SAMD12: variants seen among roughly 807,000 people sequenced by gnomAD.
SAMD12 encodes the protein sterile alpha motif domain containing 12.
A neutral mutation model predicts 15.0 loss-of-function variants in SAMD12; 9 were observed. The observed-to-expected ratio is 0.60, with a 90% confidence interval of 0.36 to 1.05. The LOEUF is 1.05. SAMD12 is among the 50% of genes least tolerant of loss of function. SAMD12 has a pLI of 0.01. For synonymous variants in SAMD12, 86 were observed against 90.1 expected (o/e 0.96, Z 0.25); for missense variants, 230 against 234.2 (o/e 0.98, Z 0.12).
the SAMD12 span, among the ~76,000 whole-genome samples, chr8:118,157,958 T>G: frequency 6.6e-6 from 1 of 152,188 alleles, no homozygotes. Context: ...GCTTACTGAT[T>G]GAAGACAGTT....
chr8:118,305,593 G>C (rs1815301191), intron 4 of SAMD12, among the ~76,000 whole-genome samples: 1 of 152,096 alleles, frequency 6.6e-6, no homozygotes, highest in Admixed American at 6.5e-5. Flanking sequence ...GTGAACATTG[G>C]TGTACCAGTA....
intron 4 of SAMD12, among the ~76,000 whole-genome samples, chr8:118,200,256 A>G (rs972655904): frequency 2.0e-5 from 3 of 151,992 alleles, no homozygotes; most frequent in Non-Finnish European, 2.9e-5. Flanking sequence ...AATACACCAG[A>G]CTTAGGTGTG....
At chr8:118,152,995 T>C in the SAMD12 span, among the ~76,000 whole-genome samples, 1 of 152,174 alleles carries the variant, frequency 6.6e-6, no homozygotes, top group Non-Finnish European at 1.5e-5. Context: ...GTACATTTGA[T>C]AAGCAGTGGG....
At chr8:118,293,911 A>ACT (rs1214141195) in intron 4 of SAMD12, among the ~76,000 whole-genome samples, 1 of 152,222 alleles carries the variant, frequency 6.6e-6, no homozygotes, top group Non-Finnish European at 1.5e-5. Flanking sequence ...ATCAGACAGA[A>ACT]GCCAGCTCTA....
chr8:118,147,693 G>A, the SAMD12 span, among the ~76,000 whole-genome samples: 4 of 151,918 alleles, frequency 2.6e-5, no homozygotes, highest in Non-Finnish European at 4.4e-5. Flanking sequence ...AAAGGTTAAA[G>A]AACATGTCTA....
intron 2 of SAMD12, among the ~76,000 whole-genome samples, chr8:118,485,898 T>A (rs758719985): frequency 3.3e-5 from 5 of 152,192 alleles, no homozygotes; most frequent in Non-Finnish European, 7.3e-5. Context: ...AATTGAACAA[T>A]GTTGTATCAG....
At position 118,478,612 on chromosome 8, in the gene SAMD12, C is replaced by T. The variant is rs540467129; in HGVS notation, c.193-38651G>A. On this transcript the variant is annotated intron_variant, in intron 2 of 3. Transcript: ENST00000314727. ...GCGAGGCACAAATAAGTTAACTTAG[C>T]AAACATCATACAGCTTGCAAATGGC... Among the ~76,000 whole-genome samples the T allele has an allele frequency of 6.8e-4, 103 of 152,308 alleles. 1 individual carries two copies. Among genetic ancestry groups the T allele is most frequent in the African/African-American group, 2.4e-3 (100 of 41,558 alleles).
intron 3 of SAMD12, among the ~76,000 whole-genome samples, chr8:118,435,583 CTGA>C (rs1340204767): frequency 2.6e-5 from 4 of 152,246 alleles, no homozygotes; most frequent in African/African-American, 9.6e-5. Flanking sequence ...ATTTTGAACA[CTGA>C]TAAGTTAAAA....
At chr8:118,293,510 A>G (rs1189325478) in intron 4 of SAMD12, among the ~76,000 whole-genome samples, 1 of 152,234 alleles carries the variant, frequency 6.6e-6, no homozygotes, top group Non-Finnish European at 1.5e-5. Context: ...ACAGAAGTCA[A>G]TTTATATTTG....
intron 4 of SAMD12, among the ~76,000 whole-genome samples, chr8:118,321,876 A>T (rs1358674570): frequency 1.3e-5 from 2 of 152,156 alleles, no homozygotes; most frequent in African/African-American, 4.8e-5. Context: ...GTAAGGTTTA[A>T]ATATAAATAC....
chr8:118,604,588 G>C (rs1181579570), intron 1 of SAMD12, among the ~76,000 whole-genome samples: 1 of 152,162 alleles, frequency 6.6e-6, no homozygotes, highest in Non-Finnish European at 1.5e-5. Context: ...GAAAACGATG[G>C]TTGGAAAACC....
intron 4 of SAMD12, among the ~76,000 whole-genome samples, chr8:118,258,855 G>C (rs778423890): frequency 2.6e-4 from 40 of 152,064 alleles, no homozygotes; most frequent in Admixed American, 2.5e-3. Flanking sequence ...AAGAGGAAAG[G>C]AGTTGAGAAT....
At chr8:118,321,889 T>C (rs1250241542) in intron 4 of SAMD12, among the ~76,000 whole-genome samples, 1 of 152,198 alleles carries the variant, frequency 6.6e-6, no homozygotes, top group Non-Finnish European at 1.5e-5. Context: ...ATAAATACTT[T>C]AGTTGTTATT....
the SAMD12 span, among the ~76,000 whole-genome samples, chr8:118,137,198 C>T: frequency 6.6e-6 from 1 of 152,242 alleles, no homozygotes; most frequent in African/African-American, 2.4e-5. Flanking sequence ...GAAGTAGTGG[C>T]CGGCAATCAG....
intron 3 of SAMD12, among the ~76,000 whole-genome samples, chr8:118,393,389 C>A (rs375256549): frequency 6.7e-6 from 1 of 148,562 alleles, no homozygotes; most frequent in East Asian, 2.0e-4. Flanking sequence ...TGTGTATATA[C>A]ATATATATAT....
intron 4 of SAMD12, among the ~76,000 whole-genome samples, chr8:118,243,266 T>C (rs1812613500): frequency 6.6e-6 from 1 of 152,224 alleles, no homozygotes; most frequent in South Asian, 2.1e-4. Flanking sequence ...ATATTAAAAA[T>C]ATATCAAATG....
At chr8:118,479,096 A>G (rs1458890840) in intron 2 of SAMD12, among the ~76,000 whole-genome samples, 1 of 144,750 alleles carries the variant, frequency 6.9e-6, no homozygotes, top group Non-Finnish European at 1.5e-5. Flanking sequence ...AAGTCCTTAC[A>G]GCAAACTACA....
At chr8:118,537,628 T>A (rs990961495) in intron 2 of SAMD12, among the ~76,000 whole-genome samples, 6 of 152,194 alleles carry the variant, frequency 3.9e-5, no homozygotes, top group Non-Finnish European at 7.3e-5. Context: ...CTTGATTTTT[T>A]AAAAATTATT....
chr8:118,484,174 G>A (rs1189025830), intron 2 of SAMD12, among the ~76,000 whole-genome samples: 1 of 152,006 alleles, frequency 6.6e-6, no homozygotes, highest in Non-Finnish European at 1.5e-5. Context: ...TGGACGAGGT[G>A]GTCATGTGCA....
Sources: gnomAD v4.1 joint callset for allele counts (sites outside exome capture counted in the v4.1 genomes callset) on GRCh38, gnomAD v4.1.1 for gene constraint, MANE v1.5 for transcripts, NCBI Gene and HGNC (gene_info 2026-07-23, HGNC 2026-07-21) for gene names.